Variants in GNB1L observed in about 807,000 individuals in gnomAD.
The protein encoded by GNB1L is G protein subunit beta 1 like.
GNB1L carries 20 observed loss-of-function variants against 29.1 expected under a neutral mutation model. The ratio of observed to expected loss-of-function variants is 0.69; its 90% CI spans 0.48 to 1.00. The LOEUF is 1.00. Among genes scored for constraint, GNB1L ranks in the 50% least tolerant of loss-of-function variants. The pLI is 0.00. For missense variants in GNB1L, 421 were observed against 464.9 expected (o/e 0.91, Z 0.87); for synonymous variants, 193 against 206.5 (o/e 0.93, Z 0.56).
In GNB1L at chr22:19,816,531, C is replaced by T. The variant is rs566571573; in HGVS notation, c.254+4067G>A. Among the ~76,000 whole-genome samples, 15 of 152,152 alleles carry T rather than the reference C, an allele frequency of 9.9e-5. No individual in the cohort carries two copies. The highest frequency in any genetic ancestry group is 1.9e-4 in the Non-Finnish European group (13 of 68,016). ...ACCTGGGTGTCCACCTGCTCACTGC[C>T]AGAGTGTGCCCCAGCCACCAGGCCC... On this transcript the variant is annotated intron_variant, in intron 4 of 7. Transcript: ENST00000329517. This position sits in a 1 kb window ranked among gnomAD's most constrained non-coding sequence, Gnocchi z 4.4.
At chr22:19,839,721 T>A (rs11914155) in intron 2 of GNB1L, among the ~76,000 whole-genome samples, 81,194 of 151,658 alleles carry the variant, frequency 0.54, 23,518 homozygotes, top group African/African-American at 0.78. Flanking sequence ...TCTACTAAAA[T>A]TACAAAAATT....
intron 2 of GNB1L, among the ~76,000 whole-genome samples, chr22:19,837,068 G>A (rs1007135615): frequency 3.3e-5 from 5 of 151,410 alleles, no homozygotes; most frequent in Non-Finnish European, 7.4e-5. Context: ...CTGGGTTCAC[G>A]CCATTCTCCC....
intron 2 of GNB1L, chr22:19,850,765 G>A (rs1938075586): frequency 4.0e-6 from 5 of 1,248,444 alleles, no homozygotes; most frequent in Non-Finnish European, 5.0e-6. Flanking sequence ...CAGGGCAGAC[G>A]TGGCAGACCC....
At chr22:19,801,719 G>C (rs1392859124) in intron 7 of GNB1L, among the ~76,000 whole-genome samples, 2 of 151,586 alleles carry the variant, frequency 1.3e-5, no homozygotes, top group African/African-American at 4.9e-5. Context: ...TTTCACAAAG[G>C]GGTTTGAGTA....
intron 2 of GNB1L, among the ~76,000 whole-genome samples, chr22:19,838,044 G>A (rs757016856): frequency 3.9e-5 from 6 of 152,356 alleles, no homozygotes; most frequent in South Asian, 2.1e-4. Context: ...TGTCTTGAGC[G>A]TGGGGATGGC....
At chr22:19,842,340 A>T (rs1313921661) in intron 2 of GNB1L, among the ~76,000 whole-genome samples, 1 of 152,230 alleles carries the variant, frequency 6.6e-6, no homozygotes, top group Non-Finnish European at 1.5e-5. Context: ...TGAGGTCTAG[A>T]TACACCCTTC....
intron 6 of GNB1L, among the ~76,000 whole-genome samples, chr22:19,806,360 C>G (rs1937434372): frequency 6.6e-6 from 1 of 152,270 alleles, no homozygotes; most frequent in Non-Finnish European, 1.5e-5. Flanking sequence ...CCCTCCTCAC[C>G]GCTCACTGGA....
In GNB1L at chr22:19,788,951, T is replaced by C; in HGVS notation, c.742A>G (p.Thr248Ala). The C allele has an allele frequency of 1.2e-6, 2 of 1,603,328 alleles. No homozygotes were observed. The highest frequency in any genetic ancestry group is 3.3e-5 in the Admixed American group (2 of 59,710). The change falls in exon 8 of 8, where the codon ACT becomes GCT. Residue 248 changes from threonine (T) to alanine (A), a missense_variant. Coordinates refer to ENST00000329517, the MANE Select transcript of GNB1L (RefSeq NM_053004.3). ...ATCCCGGGATTGGTGAGTTCATGAG[T>C]CCCACGCACCTGTGAGAGTTGGGAG... ...DWQQALQVRG[T>A]HELTNPGIAE...
At chr22:19,793,153 C>T in intron 7 of GNB1L, 1 of 912,834 alleles carries the variant, frequency 1.1e-6, no homozygotes. Flanking sequence ...AATTTTCCTT[C>T]AAAAAAAAAA....
chr22:19,792,240 G>A (rs1481461554), intron 7 of GNB1L: 2 of 619,236 alleles, frequency 3.2e-6, no homozygotes, highest in Non-Finnish European at 5.7e-6. Flanking sequence ...AGACTTTAAA[G>A]AAACTCCTTA....
intron 2 of GNB1L, among the ~76,000 whole-genome samples, chr22:19,824,154 C>A (rs778206738): frequency 6.6e-6 from 1 of 152,262 alleles, no homozygotes; most frequent in African/African-American, 2.4e-5. Context: ...CAATTAAGGG[C>A]TCCATCATTT....
chr22:19,790,822 G>C (rs1183040510), intron 7 of GNB1L, among the ~76,000 whole-genome samples: 2 of 152,182 alleles, frequency 1.3e-5, no homozygotes, highest in African/African-American at 4.8e-5. Flanking sequence ...GGATGCCAAA[G>C]GAACTCTTGG....
rs1305015502 is a variant in GNB1L, at chr22:19,854,653, C to G, written c.-117-114G>C. On this transcript the variant is annotated intron_variant, in intron 1 of 7. Coordinates refer to ENST00000329517, the MANE Select transcript of GNB1L (RefSeq NM_053004.3). ...TCCAGGTGCCCCCACAAACCCCCGG[C>G]GCGGACCGAGAAACTGAGGCCCGCA... 3 of 152,880 alleles carry G rather than the reference C, an allele frequency of 2.0e-5. No individual in the cohort carries two copies. The Admixed American group carries it at 2.0e-4, about 10-fold the overall frequency. 9.5% of individuals were successfully genotyped at this position (152,880 alleles called of 1,614,324 possible).
chr22:19,798,932 G>A (rs1302776652), intron 7 of GNB1L, among the ~76,000 whole-genome samples: 1 of 152,222 alleles, frequency 6.6e-6, no homozygotes, highest in African/African-American at 2.4e-5. Context: ...ATGGAAACAT[G>A]TCCACGCCCT....
intron 4 of GNB1L, among the ~76,000 whole-genome samples, chr22:19,814,681 C>A (rs980314575): frequency 1.3e-5 from 2 of 152,124 alleles, no homozygotes; most frequent in Admixed American, 1.3e-4. Flanking sequence ...ACCCATCACC[C>A]CAGTCTTAAC....
chr22:19,792,005 TG>T (rs2145860192), intron 7 of GNB1L, among the ~76,000 whole-genome samples: 1 of 152,228 alleles, frequency 6.6e-6, no homozygotes, highest in South Asian at 2.1e-4. Flanking sequence ...AAGCTCAAGG[TG>T]AACAGTCAGT....
Position 19,787,533 on chromosome 22 carries a change from G to A in GNB1L, c.*1176C>T, listed in dbSNP as rs931035308. 3.3e-5 allele frequency: 5 copies of A among 152,518 alleles called. No individual in the cohort carries two copies. Among genetic ancestry groups the A allele is most frequent in the Non-Finnish European group, 7.3e-5 (5 of 68,278 alleles). 9.4% of individuals were successfully genotyped at this position (152,518 alleles called of 1,614,324 possible). A position where few individuals can be genotyped will look rare whatever the true frequency, so the allele number is the denominator to read the frequency against. ...TGCAGGAGGCTGGTGCCACTCTCAG[G>A]GTCACCCTCTGTATCTCATCCTGGG... On this transcript the variant is annotated 3_prime_UTR_variant, in exon 8 of 8. Coordinates refer to ENST00000329517, the MANE Select transcript of GNB1L (RefSeq NM_053004.3).
In GNB1L at chr22:19,812,361, C is replaced by T; in HGVS notation, c.341G>A (p.Gly114Asp). The part of the protein sequence containing the change: ...VVDSVCLESV[G>D]FCRSSILAGG... The stretch of plus-strand genomic sequence containing the variant: ...GGCCAGGATGCTGCTCCGGCAGAAG[C>T]CCACACTCTCCAAGCACACGGAGTC... The change falls in exon 5 of 8, where the codon GGC becomes GAC. Residue 114 changes from glycine (G) to aspartate (D), a missense_variant. Transcript: ENST00000329517. The T allele has an allele frequency of 6.2e-7, 1 of 1,613,318 alleles. No homozygotes were observed. Among genetic ancestry groups the T allele is most frequent in the Non-Finnish European group, 8.5e-7 (1 of 1,179,986 alleles).
chr22:19,813,698 T>A (rs1937514906), intron 4 of GNB1L, among the ~76,000 whole-genome samples: 2 of 151,702 alleles, frequency 1.3e-5, no homozygotes, highest in Non-Finnish European at 2.9e-5. Context: ...AATAAATAAA[T>A]AAAAATAAAA....
Sources: gnomAD v4.1 joint callset for allele counts (sites outside exome capture counted in the v4.1 genomes callset) on GRCh38, gnomAD v4.1.1 for gene constraint, Gnocchi (gnomAD v3.1) non-coding constraint, MANE v1.5 for transcripts, NCBI Gene and HGNC (gene_info 2026-07-23, HGNC 2026-07-21) for gene names.